TRIO: variants seen among roughly 807,000 people sequenced by gnomAD.
TRIO encodes the protein trio Rho guanine nucleotide exchange factor.
In TRIO, 58 loss-of-function variants were observed where a neutral mutation model predicts 351.9. The observed-to-expected ratio is 0.16, with a 90% CI of 0.13 to 0.21. The LOEUF (loss-of-function observed/expected upper bound fraction) is 0.21, where lower values mean the gene tolerates loss of function less well. Ranked by LOEUF, TRIO falls within the 10% of genes least tolerant of loss-of-function variation. TRIO has a pLI of 1.00. For missense variants in TRIO, 3,201 were observed against 4,027.8 expected (o/e 0.79, Z 5.56); for synonymous variants, 1,758 against 1,595.7 (o/e 1.10, Z -2.42).
intron 1 of TRIO, among the ~76,000 whole-genome samples, chr5:14,266,313 C>T (rs368072754): frequency 9.9e-5 from 15 of 152,194 alleles, no homozygotes; most frequent in East Asian, 9.7e-4. Flanking sequence ...CTGCCTGCCT[C>T]GGCCTCCCCC....
At chr5:14,485,917 G>A (rs1263052176) in intron 47 of TRIO, among the ~76,000 whole-genome samples, 1 of 152,108 alleles carries the variant, frequency 6.6e-6, no homozygotes, top group Non-Finnish European at 1.5e-5. Flanking sequence ...GAACCCAGGA[G>A]GCGGAGATCG....
chr5:14,351,175 C>T (rs1743055519), intron 11 of TRIO, among the ~76,000 whole-genome samples: 1 of 152,154 alleles, frequency 6.6e-6, no homozygotes, highest in Non-Finnish European at 1.5e-5. Flanking sequence ...TTTTACTCCA[C>T]CTACCCAAGA....
At chr5:14,475,579 CT>C (rs1755012826) in intron 40 of TRIO, among the ~76,000 whole-genome samples, 1 of 152,212 alleles carries the variant, frequency 6.6e-6, no homozygotes, top group African/African-American at 2.4e-5. Flanking sequence ...TTCATATCCC[CT>C]GTGATGTCTA....
chr5:14,489,413 G>A (rs1756307041), intron 48 of TRIO, among the ~76,000 whole-genome samples: 1 of 152,224 alleles, frequency 6.6e-6, no homozygotes, highest in African/African-American at 2.4e-5. Context: ...AGTTAGGTTG[G>A]ACGTGCTAGG....
At chr5:14,335,867 A>G (rs2152318848) in intron 10 of TRIO, among the ~76,000 whole-genome samples, 1 of 152,296 alleles carries the variant, frequency 6.6e-6, no homozygotes, top group African/African-American at 2.4e-5. Context: ...TGGAAGGCTA[A>G]GGTGGGAGGA....
chr5:14,195,178 C>T (rs1255842391), intron 1 of TRIO, among the ~76,000 whole-genome samples: 3 of 152,186 alleles, frequency 2.0e-5, no homozygotes, highest in Non-Finnish European at 4.4e-5. Flanking sequence ...CAGGAGCACA[C>T]GTTGCATTTA....
chr5:14,431,987 A>C (rs1170688722), intron 34 of TRIO, among the ~76,000 whole-genome samples: 1 of 152,224 alleles, frequency 6.6e-6, no homozygotes, highest in Non-Finnish European at 1.5e-5. Context: ...CCTTGTTTCC[A>C]AATACAGTCA....
chr5:14,206,178 A>C (rs1328581488), intron 1 of TRIO, among the ~76,000 whole-genome samples: 1 of 152,172 alleles, frequency 6.6e-6, no homozygotes, highest in Non-Finnish European at 1.5e-5. Context: ...CTTCCACCTC[A>C]GCCTCCTGTG....
intron 1 of TRIO, among the ~76,000 whole-genome samples, chr5:14,212,435 A>C: frequency 6.6e-6 from 1 of 151,384 alleles, no homozygotes; most frequent in South Asian, 2.1e-4. Flanking sequence ...TTCCACCCCA[A>C]CTCTCCCTCC....
intron 1 of TRIO, among the ~76,000 whole-genome samples, chr5:14,257,780 GTTC>G (rs1269369181): frequency 6.6e-6 from 1 of 152,130 alleles, no homozygotes; most frequent in Non-Finnish European, 1.5e-5. Flanking sequence ...GTCTCAGTCT[GTTC>G]TTTTAGTTTT....
intron 2 of TRIO, among the ~76,000 whole-genome samples, chr5:14,278,310 A>G (rs935558843): frequency 6.6e-6 from 1 of 152,180 alleles, no homozygotes; most frequent in Non-Finnish European, 1.5e-5. Context: ...ACTTTCTTAG[A>G]TTGGCAGATT....
chr5:14,235,892 G>A (rs1434225968), intron 1 of TRIO, among the ~76,000 whole-genome samples: 2 of 151,860 alleles, frequency 1.3e-5, no homozygotes, highest in South Asian at 2.1e-4. Flanking sequence ...CGAACTCCTG[G>A]CCTCAAGCAA....
intron 2 of TRIO, among the ~76,000 whole-genome samples, chr5:14,277,030 C>G (rs1226377487): frequency 6.6e-6 from 1 of 152,158 alleles, no homozygotes; most frequent in Admixed American, 6.5e-5. Context: ...TAACTGATAC[C>G]TGATAGGAGG....
intron 8 of TRIO, among the ~76,000 whole-genome samples, chr5:14,306,461 A>G (rs1738376995): frequency 6.6e-6 from 1 of 152,218 alleles, no homozygotes; most frequent in East Asian, 1.9e-4. Context: ...GTGATGTGCC[A>G]TCTCTATGCA....
Position 14,507,227 on chromosome 5 carries a change from G to C in TRIO, c.8718G>C (p.Leu2906=). The C allele has an allele frequency of 1.2e-6, 2 of 1,611,808 alleles. No homozygotes were observed. The highest frequency in any genetic ancestry group is 1.7e-6 in the Non-Finnish European group (2 of 1,179,872). The part of the protein sequence containing the change: ...LGEVLEAVRY[L]HNCRIAHLDL... ...AGGTTCTGGAAGCTGTCCGGTACCTGCACAACTGCAGGATAGCACACCTGG... is the reference window on the plus strand; with the variant it reads ...AGGTTCTGGAAGCTGTCCGGTACCTCCACAACTGCAGGATAGCACACCTGG... Residue 2906 remains leucine (L), a synonymous_variant, in exon 56 of 57, where the codon CTG becomes CTC. Transcript: ENST00000344204.
intron 33 of TRIO, among the ~76,000 whole-genome samples, chr5:14,414,639 G>T (rs1749489925): frequency 6.6e-6 from 1 of 151,458 alleles, no homozygotes; most frequent in Non-Finnish European, 1.5e-5. Flanking sequence ...AAAAAAAAAT[G>T]TAACGTAAAG....
chr5:14,359,350 C>T lies in TRIO; in HGVS notation c.2217-7C>T, dbSNP rs755072425. On this transcript the variant is annotated splice_region_variant and splice_polypyrimidine_tract_variant and intron_variant, in intron 12 of 56. Coordinates refer to ENST00000344204, the MANE Select transcript of TRIO (RefSeq NM_007118.4). Reference sequence around the variant, plus strand: ...TCCAATTCCTGTTCCTCTGTGTGCTCTCGCAGGGACTCTGCCATCTCCAGT... The same window carrying T: ...TCCAATTCCTGTTCCTCTGTGTGCTTTCGCAGGGACTCTGCCATCTCCAGT... The T allele has an allele frequency of 6.2e-7, 1 of 1,607,778 alleles. No homozygotes were observed. Among genetic ancestry groups the T allele is most frequent in the Non-Finnish European group, 8.5e-7 (1 of 1,174,780 alleles).
At chr5:14,267,599 C>A in intron 1 of TRIO, among the ~76,000 whole-genome samples, 1 of 152,104 alleles carries the variant, frequency 6.6e-6, no homozygotes, top group Admixed American at 6.5e-5. Flanking sequence ...TTTATAGTTC[C>A]ACACTGTTTT....
At chr5:14,323,879 T>C (rs902963968) in intron 9 of TRIO, among the ~76,000 whole-genome samples, 10 of 152,244 alleles carry the variant, frequency 6.6e-5, no homozygotes, top group Non-Finnish European at 1.2e-4. Flanking sequence ...TTGACTATCC[T>C]TACAGCACTG....
Sources: gnomAD v4.1 joint callset for allele counts (sites outside exome capture counted in the v4.1 genomes callset) on GRCh38, gnomAD v4.1.1 for gene constraint, MANE v1.5 for transcripts, NCBI Gene and HGNC (gene_info 2026-07-23, HGNC 2026-07-21) for gene names.